Variants in EYS observed in about 807,000 individuals in gnomAD.
The protein encoded by EYS is protein eyes shut homolog.
EYS carries 250 observed loss-of-function variants against 282.1 expected under a neutral mutation model. The ratio of observed to expected loss-of-function variants is 0.89; its 90% confidence interval spans 0.80 to 0.98. The LOEUF (loss-of-function observed/expected upper bound fraction) is 0.98, where lower values mean the gene tolerates loss of function less well. Among genes scored for constraint, EYS ranks in the 50% least tolerant of loss-of-function variants. EYS has a pLI of 0.00. For synonymous variants in EYS, 1,355 were observed against 1,282.9 expected, an observed-to-expected ratio of 1.06 and a Z score of -1.20; for missense variants, 4,016 against 3,709.0, an observed-to-expected ratio of 1.08 and a Z score of -2.15.
intron 31 of EYS, among the ~76,000 whole-genome samples, chr6:64,165,795 T>G (rs1285229867): frequency 6.6e-6 from 1 of 152,184 alleles, no homozygotes; most frequent in Non-Finnish European, 1.5e-5. Flanking sequence ...GTTAGGTATT[T>G]GAGTGCTTAT....
At chr6:65,148,697 C>G (rs1358366150) in intron 12 of EYS, among the ~76,000 whole-genome samples, 4 of 152,082 alleles carry the variant, frequency 2.6e-5, no homozygotes, top group Admixed American at 1.3e-4. Flanking sequence ...CCACATTTCC[C>G]TTCTGCACTG....
intron 29 of EYS, among the ~76,000 whole-genome samples, chr6:64,371,237 G>GA (rs1297945732): frequency 1.3e-4 from 20 of 151,370 alleles, no homozygotes; most frequent in Admixed American, 1.3e-3. Context: ...TAGTTTCAAA[G>GA]AATTTCTTAA....
chr6:64,569,362 G>C (rs989347744), intron 26 of EYS, among the ~76,000 whole-genome samples: 1 of 151,818 alleles, frequency 6.6e-6, no homozygotes, highest in Non-Finnish European at 1.5e-5. Flanking sequence ...AGTACCAATA[G>C]CTGAATCAAT....
At chr6:64,727,394 C>G (rs1467969224) in intron 22 of EYS, among the ~76,000 whole-genome samples, 1 of 152,080 alleles carries the variant, frequency 6.6e-6, no homozygotes, top group Non-Finnish European at 1.5e-5. Flanking sequence ...TCTTTGCATA[C>G]ATATAAACCA....
chr6:64,000,260 C>T (rs1052995032), intron 33 of EYS, among the ~76,000 whole-genome samples: 3 of 135,058 alleles, frequency 2.2e-5, no homozygotes, highest in East Asian at 4.7e-4. Flanking sequence ...GGCGCGATCT[C>T]GGCTCACGGC....
At chr6:65,006,960 A>T (rs1489552987) in intron 13 of EYS, among the ~76,000 whole-genome samples, 1 of 152,224 alleles carries the variant, frequency 6.6e-6, no homozygotes, top group Non-Finnish European at 1.5e-5. Flanking sequence ...ACAAGAATGC[A>T]TCTTGATGGG....
chr6:63,763,311 G>A (rs772432864), intron 40 of EYS, among the ~76,000 whole-genome samples: 5 of 151,986 alleles, frequency 3.3e-5, no homozygotes, highest in African/African-American at 1.2e-4. Flanking sequence ...ATATTGGGAG[G>A]AGCCCAGCAG....
At chr6:64,468,434 G>A (rs993296769) in intron 26 of EYS, among the ~76,000 whole-genome samples, 4 of 152,084 alleles carry the variant, frequency 2.6e-5, no homozygotes, top group Non-Finnish European at 4.4e-5. Context: ...GTGTCTTTAC[G>A]TTGATACACA....
At chr6:64,251,344 GTGAGAATA>G (rs1474697642) in intron 30 of EYS, among the ~76,000 whole-genome samples, 1 of 152,056 alleles carries the variant, frequency 6.6e-6, no homozygotes. Context: ...ACTATTTCAG[GTGAGAATA>G]TGTGGACCTC....
chr6:63,925,719 C>T (rs970397668), intron 35 of EYS, among the ~76,000 whole-genome samples: 2 of 152,224 alleles, frequency 1.3e-5, no homozygotes, highest in Non-Finnish European at 2.9e-5. Flanking sequence ...TCTTGGCTCA[C>T]TGCAACCTCT....
intron 22 of EYS, among the ~76,000 whole-genome samples, chr6:64,780,392 A>T (rs1162429745): frequency 6.6e-6 from 1 of 152,188 alleles, no homozygotes; most frequent in African/African-American, 2.4e-5. Context: ...GGAGCCATTA[A>T]TCTAAACGAA....
At chr6:64,963,799 T>C (rs1280367150) in intron 14 of EYS, among the ~76,000 whole-genome samples, 1 of 152,188 alleles carries the variant, frequency 6.6e-6, no homozygotes, top group Non-Finnish European at 1.5e-5. Flanking sequence ...GAGTCTTTTG[T>C]ATATCAAAAG....
At chr6:64,738,571 A>G (rs1048292269) in intron 22 of EYS, among the ~76,000 whole-genome samples, 1 of 152,214 alleles carries the variant, frequency 6.6e-6, no homozygotes, top group Non-Finnish European at 1.5e-5. Flanking sequence ...TGGTGATGCT[A>G]CTTTCAAGTT....
rs150520226 is a variant in EYS, at chr6:65,048,169, C to T, written c.2137+9445G>A. ...ATAAACAAATCTTGCTTTTGTCTCA[C>T]GTTCCCCCTATTTAGCCTCGTTTCT... On this transcript the variant is annotated intron_variant, in intron 13 of 42. Coordinates refer to ENST00000503581, the MANE Select transcript of EYS (RefSeq NM_001142800.2). Among the ~76,000 whole-genome samples the T allele has an allele frequency of 6.9e-3, 1,044 of 151,912 alleles. 15 individuals are homozygous for T. The highest frequency in any genetic ancestry group is 0.024 in the African/African-American group (979 of 41,458).
chr6:64,210,895 C>T (rs1582432219), intron 31 of EYS, among the ~76,000 whole-genome samples: 1 of 152,144 alleles, frequency 6.6e-6, no homozygotes, highest in East Asian at 1.9e-4. Context: ...ATTCTCTCTC[C>T]CTACTGGAGC....
chr6:65,513,763 A>G (rs1766996823), intron 2 of EYS, among the ~76,000 whole-genome samples: 1 of 151,884 alleles, frequency 6.6e-6, no homozygotes, highest in Non-Finnish European at 1.5e-5. Flanking sequence ...AAAACTCTCA[A>G]TAAATTAGGT....
At position 64,136,629 on chromosome 6, in the gene EYS, G is replaced by A. The variant is rs552233568; in HGVS notation, c.6425-54627C>T. On this transcript the variant is annotated intron_variant, in intron 31 of 42. Coordinates refer to ENST00000503581, the MANE Select transcript of EYS (RefSeq NM_001142800.2). ...AAAATTAATCAACTTGTAAATCTCC[G>A]TCAGAGCTCTTGGATGACCAGACAC... 1.1e-4 allele frequency among the ~76,000 whole-genome samples: 17 copies of A among 152,160 alleles called. No individual in the cohort carries two copies. In the South Asian group the frequency reaches 1.9e-3, roughly 17 times the overall value.
intron 35 of EYS, among the ~76,000 whole-genome samples, chr6:63,907,607 A>G (rs1260918322): frequency 1.3e-5 from 2 of 152,190 alleles, no homozygotes; most frequent in Non-Finnish European, 1.5e-5. Context: ...TAACTTGAAT[A>G]TATAAGTACC....
intron 26 of EYS, among the ~76,000 whole-genome samples, chr6:64,570,520 C>T (rs917167326): frequency 6.6e-6 from 1 of 151,928 alleles, no homozygotes; most frequent in Non-Finnish European, 1.5e-5. Flanking sequence ...GAGTGAAGAC[C>T]CATGGGTGTG....
Sources: gnomAD v4.1 joint callset for allele counts (sites outside exome capture counted in the v4.1 genomes callset) on GRCh38, gnomAD v4.1.1 for gene constraint, MANE v1.5 for transcripts, NCBI Gene and HGNC (gene_info 2026-07-23, HGNC 2026-07-21) for gene names.